Variants in ASTN2 observed in about 807,000 individuals in gnomAD.
ASTN2 encodes astrotactin 2, also known as astrotactin-2.
A neutral mutation model predicts 139.8 loss-of-function variants in ASTN2; 54 were observed. The ratio of observed to expected loss-of-function variants is 0.39; its 90% confidence interval spans 0.31 to 0.48. ASTN2 has a LOEUF of 0.48. Ranked by LOEUF, ASTN2 falls within the 20% of genes least tolerant of loss-of-function variation. The probability of loss-of-function intolerance (pLI) is 0.95; values close to 1 mark genes in which losing one functional copy is unlikely to be tolerated. For missense variants in ASTN2, 1,565 were observed against 1,725.1 expected, an observed-to-expected ratio of 0.91 and a Z score of 1.64; for synonymous variants, 756 against 719.5, an observed-to-expected ratio of 1.05 and a Z score of -0.81.
chr9:116,666,232 C>A (rs1190810049), intron 16 of ASTN2, among the ~76,000 whole-genome samples: 1 of 152,166 alleles, frequency 6.6e-6, no homozygotes, highest in Non-Finnish European at 1.5e-5. Context: ...GCATTAAGTG[C>A]CACTGATATG....
chr9:116,598,689 T>C lies in ASTN2; in HGVS notation c.3355+19635A>G, dbSNP rs546587781. 2.8e-4 allele frequency among the ~76,000 whole-genome samples: 43 copies of C among 152,338 alleles called. 2 individuals carry two copies. Among genetic ancestry groups the C allele is most frequent in the Admixed American group, 2.3e-3 (35 of 15,300 alleles). ...TTGTGAGAATTAAATGAGCTTAACA[T>C]GGCATCTCTACTTTATTCATTCAGT... On this transcript the variant is annotated intron_variant, in intron 19 of 22. Transcript: ENST00000313400.
At chr9:116,709,724 G>T (rs1458004279) in intron 16 of ASTN2, among the ~76,000 whole-genome samples, 1 of 152,096 alleles carries the variant, frequency 6.6e-6, no homozygotes, top group Non-Finnish European at 1.5e-5. Flanking sequence ...ACAATAAAAG[G>T]CCTCATTAAC....
At chr9:116,911,196 A>G (rs906677551) in intron 10 of ASTN2, among the ~76,000 whole-genome samples, 1 of 152,246 alleles carries the variant, frequency 6.6e-6, no homozygotes, top group Non-Finnish European at 1.5e-5. Flanking sequence ...CTAAGAGTGC[A>G]TGCCCAGGAT....
At chr9:117,402,701 A>G (rs1198563906) in intron 1 of ASTN2, among the ~76,000 whole-genome samples, 2 of 152,190 alleles carry the variant, frequency 1.3e-5, no homozygotes, top group South Asian at 2.1e-4. Context: ...ACAAGTATTC[A>G]TTATTTATCT....
chr9:116,495,354 C>G (rs898003932), intron 19 of ASTN2, among the ~76,000 whole-genome samples: 1 of 152,132 alleles, frequency 6.6e-6, no homozygotes, highest in Non-Finnish European at 1.5e-5. Flanking sequence ...AGCTAAGGCC[C>G]CTTTTATCCT....
chr9:117,103,561 T>G (rs900551905), intron 4 of ASTN2, among the ~76,000 whole-genome samples: 4 of 152,192 alleles, frequency 2.6e-5, no homozygotes, highest in African/African-American at 9.6e-5. Context: ...ATCTACCTTC[T>G]ATTCTTGGGC....
intron 2 of ASTN2, among the ~76,000 whole-genome samples, chr9:117,232,412 T>C (rs6478298): frequency 0.52 from 79,659 of 151,910 alleles, 21,797 homozygotes; most frequent in African/African-American, 0.67. Flanking sequence ...CCTTCATTGC[T>C]TCTTTTGCCG....
chr9:116,703,755 T>C (rs956098739), intron 16 of ASTN2, among the ~76,000 whole-genome samples: 2 of 149,978 alleles, frequency 1.3e-5, no homozygotes, highest in African/African-American at 2.4e-5. Flanking sequence ...GCAGTGTTAC[T>C]CTACTCTGTA....
intron 19 of ASTN2, chr9:116,540,855 T>C (rs181114703): frequency 6.6e-6 from 1 of 152,204 alleles, no homozygotes; most frequent in East Asian, 1.9e-4. Flanking sequence ...AATTGAGAAA[T>C]TGGAAATGCC....
At chr9:116,964,803 G>C (rs963292741) in intron 10 of ASTN2, among the ~76,000 whole-genome samples, 3 of 152,186 alleles carry the variant, frequency 2.0e-5, no homozygotes, top group Non-Finnish European at 4.4e-5. Context: ...TTTATTTCAG[G>C]AAATGTATTG....
chr9:117,288,043 C>A lies in ASTN2; in HGVS notation c.630+3283G>T, dbSNP rs2130778465. Among the ~76,000 whole-genome samples, 4 of 152,276 alleles carry A rather than the reference C, an allele frequency of 2.6e-5. 1 individual carries two copies. In the Middle Eastern group the frequency reaches 0.014, roughly 518 times the overall value. On this transcript the variant is annotated intron_variant, in intron 2 of 22. Coordinates refer to ENST00000313400, the MANE Select transcript of ASTN2 (RefSeq NM_001365068.1). ...AAGTAGAAGAGACTATATTCAGAGC[C>A]AGGTCTGCTGAATTCCATCGCTCTG...
chr9:117,319,927 C>T (rs138559921), intron 1 of ASTN2, among the ~76,000 whole-genome samples: 1 of 152,278 alleles, frequency 6.6e-6, no homozygotes, highest in Non-Finnish European at 1.5e-5. Context: ...TACTGCACCA[C>T]AGGTTTAAGT....
chr9:116,620,484 A>AG, intron 17 of ASTN2, 41 bp from the exon 18 acceptor site: 6 of 1,612,466 alleles, frequency 3.7e-6, no homozygotes, highest in Non-Finnish European at 5.1e-6. Flanking sequence ...TGATGACAAC[A>AG]GGGGAGAGAT....
intron 5 of ASTN2, among the ~76,000 whole-genome samples, chr9:117,095,364 G>T (rs1410494349): frequency 6.6e-6 from 1 of 152,308 alleles, no homozygotes; most frequent in Admixed American, 6.5e-5. Context: ...TTGGCCACAG[G>T]TTTTAGACCT....
At chr9:116,437,924 T>C (rs202163266) in intron 22 of ASTN2, among the ~76,000 whole-genome samples, 1 of 152,114 alleles carries the variant, frequency 6.6e-6, no homozygotes, top group South Asian at 2.1e-4. Flanking sequence ...AGCCTCAAAT[T>C]CTTGGAGGGC....
At chr9:117,318,769 A>G (rs1379038703) in intron 1 of ASTN2, among the ~76,000 whole-genome samples, 1 of 152,168 alleles carries the variant, frequency 6.6e-6, no homozygotes, top group Non-Finnish European at 1.5e-5. Flanking sequence ...TCTCAGTCCC[A>G]TGCCTGAGCA....
chr9:116,798,515 G>A (rs1405964650), intron 13 of ASTN2, among the ~76,000 whole-genome samples: 1 of 152,168 alleles, frequency 6.6e-6, no homozygotes, highest in African/African-American at 2.4e-5. Flanking sequence ...TGACTGCTAG[G>A]CTAGTTAGCC....
intron 6 of ASTN2, among the ~76,000 whole-genome samples, chr9:117,026,970 A>T (rs949592874): frequency 6.6e-6 from 1 of 152,186 alleles, no homozygotes; most frequent in Non-Finnish European, 1.5e-5. Flanking sequence ...AGAGGCAGGT[A>T]TCAAACTCTG....
chr9:116,466,210 T>G (rs1848643858), intron 20 of ASTN2, among the ~76,000 whole-genome samples: 1 of 152,138 alleles, frequency 6.6e-6, no homozygotes, highest in East Asian at 1.9e-4. Context: ...GGTCCAGGGC[T>G]CCTTATGCTG....
Sources: gnomAD v4.1 joint callset for allele counts (sites outside exome capture counted in the v4.1 genomes callset) on GRCh38, gnomAD v4.1.1 for gene constraint, MANE v1.5 for transcripts, NCBI Gene and HGNC (gene_info 2026-07-23, HGNC 2026-07-21) for gene names.